The following SYN3 variants were observed in gnomAD, a reference collection of about 807,000 sequenced individuals.
SYN3 encodes synapsin III.
A neutral mutation model predicts 65.8 loss-of-function variants in SYN3; 35 were observed. The observed-to-expected ratio is 0.53, with a 90% CI of 0.41 to 0.70. The LOEUF (loss-of-function observed/expected upper bound fraction) is 0.70. Among genes scored for constraint, SYN3 ranks in the 30% least tolerant of loss-of-function variants. The probability of loss-of-function intolerance (pLI) is 0.00; values close to 1 mark genes in which losing one functional copy is unlikely to be tolerated. For synonymous variants in SYN3, 270 were observed against 292.9 expected, an observed-to-expected ratio of 0.92 and a Z score of 0.80; for missense variants, 680 against 749.0, an observed-to-expected ratio of 0.91 and a Z score of 1.08.
chr22:32,663,466 T>G (rs373488313), intron 6 of SYN3, among the ~76,000 whole-genome samples: 241 of 151,906 alleles, frequency 1.6e-3, no homozygotes, highest in African/African-American at 5.6e-3. Flanking sequence ...GCCCGGCTAA[T>G]TTTTTGTATT....
At chr22:32,887,644 CTGA>C (rs974622461) in intron 4 of SYN3, among the ~76,000 whole-genome samples, 8 of 152,142 alleles carry the variant, frequency 5.3e-5, no homozygotes, top group Non-Finnish European at 1.0e-4. Context: ...TTGTTTGAAG[CTGA>C]TAAGTTTGTA....
At chr22:32,958,554 T>C (rs887561441) in intron 3 of SYN3, among the ~76,000 whole-genome samples, 1 of 152,242 alleles carries the variant, frequency 6.6e-6, no homozygotes, top group Admixed American at 6.5e-5. Context: ...AATTATTACA[T>C]ACTATATTTG....
At chr22:32,912,890 T>A (rs137544) in intron 4 of SYN3, among the ~76,000 whole-genome samples, 149,115 of 152,242 alleles carry the variant, frequency 0.98, 73,034 homozygotes, top group East Asian at 1. Flanking sequence ...GGGAGAGAAA[T>A]TATTCTATAC....
rs543826408 is a variant in SYN3, at chr22:33,018,255, T to C, written c.-162-11431A>G. 2.0e-4 allele frequency among the ~76,000 whole-genome samples: 30 copies of C among 152,282 alleles called. 1 individual carries two copies. The highest frequency in any genetic ancestry group is 6.5e-4 in the African/African-American group (27 of 41,574). On this transcript the variant is annotated intron_variant, in intron 1 of 13. Transcript: ENST00000358763. ...ATTTTCAAGGTCTTTTCCTCTTGAA[T>C]CATTAGGACAGGACACAGGATATCG... is the stretch of plus-strand genomic sequence containing the variant.
Position 32,511,411 on chromosome 22 carries a change from T to C in SYN3, c.*2281A>G, listed in dbSNP as rs972561574. On this transcript the variant is annotated 3_prime_UTR_variant, in exon 14 of 14. Coordinates refer to ENST00000358763, the MANE Select transcript of SYN3 (RefSeq NM_003490.4). Reference sequence around the variant, plus strand: ...AAAGCAGCAGCTTCATGTGTCTGACTGCCCACTGCATCATCTCAGCTGCCT... The same window carrying C: ...AAAGCAGCAGCTTCATGTGTCTGACCGCCCACTGCATCATCTCAGCTGCCT... Among the ~76,000 whole-genome samples, 1 of 152,278 alleles carries C rather than the reference T, an allele frequency of 6.6e-6. No individual in the cohort carries two copies. Among genetic ancestry groups the C allele is most frequent in the African/African-American group, 2.4e-5 (1 of 41,482 alleles).
intron 7 of SYN3, among the ~76,000 whole-genome samples, chr22:32,589,719 T>C (rs556789564): frequency 6.6e-6 from 1 of 152,312 alleles, no homozygotes; most frequent in South Asian, 2.1e-4. Context: ...AGAATCGGTC[T>C]AATCTATCTT....
At chr22:32,584,448 C>T (rs1464865560) in intron 7 of SYN3, among the ~76,000 whole-genome samples, 2 of 152,126 alleles carry the variant, frequency 1.3e-5, no homozygotes, top group Non-Finnish European at 2.9e-5. Context: ...CTGAGGGTCT[C>T]TTAAGGGGAA....
intron 7 of SYN3, among the ~76,000 whole-genome samples, chr22:32,587,905 C>T (rs892498717): frequency 1.3e-5 from 2 of 152,076 alleles, no homozygotes; most frequent in African/African-American, 4.8e-5. Context: ...TATCTGGTAC[C>T]ATGTCACTCC....
rs145716965 is a variant in SYN3 at position 32,969,605 on chromosome 22, G to T, written c.369+11040C>A. Among the ~76,000 whole-genome samples, 772 of 152,260 alleles carry T rather than the reference G, an allele frequency of 5.1e-3. 1 individual carries two copies. The highest frequency in any genetic ancestry group is 8.1e-3 in the Non-Finnish European group (550 of 68,000). On this transcript the variant is annotated intron_variant, in intron 3 of 13. Coordinates refer to ENST00000358763, the MANE Select transcript of SYN3 (RefSeq NM_003490.4). ...TGCAGTGTGAAAAGCAGGGACCCAG[G>T]AGATGAAAGCTAGTGCTCTCCACAC... is the stretch of plus-strand genomic sequence containing the variant.
In SYN3 at chr22:32,636,608, G is replaced by A. The variant is rs560224901; in HGVS notation, c.712-39872C>T. Among the ~76,000 whole-genome samples the A allele has an allele frequency of 3.9e-5, 6 of 152,238 alleles. No individual in the cohort carries two copies. In the South Asian group the frequency reaches 8.3e-4, roughly 21 times the overall value. On this transcript the variant is annotated intron_variant, in intron 6 of 13. Transcript: ENST00000358763. ...CAGTAATGGTGACCTTGATCCTGGG[G>A]GGATAATCATGGCTGAACACTCAGT...
chr22:32,593,280 C>T (rs2059153136), intron 7 of SYN3, among the ~76,000 whole-genome samples: 1 of 151,668 alleles, frequency 6.6e-6, no homozygotes, highest in Non-Finnish European at 1.5e-5. Flanking sequence ...TGGAGTGCAC[C>T]CTCCTTTCCA....
chr22:32,600,194 A>T (rs1240773471), intron 6 of SYN3, among the ~76,000 whole-genome samples: 2 of 152,186 alleles, frequency 1.3e-5, no homozygotes, highest in African/African-American at 2.4e-5. Context: ...AGACAGTCCC[A>T]TCTGGGGGTG....
At chr22:32,560,508 A>G (rs540023977) in intron 7 of SYN3, among the ~76,000 whole-genome samples, 1 of 152,292 alleles carries the variant, frequency 6.6e-6, no homozygotes, top group East Asian at 1.9e-4. Context: ...GAAACAAGTC[A>G]CAGGCCTATC....
intron 1 of SYN3, among the ~76,000 whole-genome samples, chr22:33,041,274 T>C (rs1016596839): frequency 2.0e-5 from 3 of 148,102 alleles, no homozygotes; most frequent in South Asian, 4.3e-4. Context: ...AAAGCTCCCA[T>C]GTAGCACTAG....
chr22:32,825,970 G>C (rs78022998), intron 6 of SYN3, among the ~76,000 whole-genome samples: 2 of 152,204 alleles, frequency 1.3e-5, no homozygotes, highest in Non-Finnish European at 2.9e-5. Flanking sequence ...CAAGTTTATA[G>C]TAGCATAGGG....
rs117177098 is a variant in SYN3 at position 32,624,616 on chromosome 22, G to A, written c.712-27880C>T. ...CACCACACCCATGGATAAAGATTTC[G>A]GCGATGACTCCAGGATCGGAGTGGA... On this transcript the variant is annotated intron_variant, in intron 6 of 13. Transcript: ENST00000358763. Among the ~76,000 whole-genome samples, 671 of 152,280 alleles carry A rather than the reference G, an allele frequency of 4.4e-3. 4 individuals carry two copies. Among genetic ancestry groups the A allele is most frequent in the South Asian group, 0.011 (51 of 4,824 alleles).
chr22:32,708,619 G>C (rs2060912412), intron 6 of SYN3, among the ~76,000 whole-genome samples: 2 of 152,292 alleles, frequency 1.3e-5, no homozygotes, highest in South Asian at 4.1e-4. Context: ...GGTTTGGGGA[G>C]AGAGGGCTGC....
chr22:32,644,101 A>AAAAGAG (rs368236821), intron 6 of SYN3, among the ~76,000 whole-genome samples: 1,121 of 71,216 alleles, frequency 0.016, 366 homozygotes, highest in East Asian at 0.027. Context: ...AAAAAAAAAA[A>AAAAGAG]AGCGACAAGA....
intron 6 of SYN3, among the ~76,000 whole-genome samples, chr22:32,631,311 A>C (rs1601800321): frequency 4.5e-4 from 2 of 4,438 alleles, no homozygotes; most frequent in African/African-American, 2.2e-3. Context: ...GAAACAAGCA[A>C]AAAAAAAAAA....
Sources: allele counts gnomAD v4.1 joint callset (sites outside exome capture counted in the v4.1 genomes callset), GRCh38; gene constraint gnomAD v4.1.1; transcripts MANE v1.5; gene names NCBI Gene and HGNC (gene_info 2026-07-23, HGNC 2026-07-21).